Variants in CD101 observed in about 807,000 individuals in gnomAD.
The protein encoded by CD101 is CD101 molecule.
A neutral mutation model predicts 98.2 loss-of-function variants in CD101; 76 were observed. The observed-to-expected ratio is 0.77, with a 90% CI of 0.64 to 0.94. The LOEUF (loss-of-function observed/expected upper bound fraction) is 0.94. Among genes scored for constraint, CD101 ranks in the 40% least tolerant of loss-of-function variants. CD101 has a pLI of 0.00. For synonymous variants in CD101, 471 were observed against 472.7 expected, an observed-to-expected ratio of 1.00 and a Z score of 0.05; for missense variants, 1,145 against 1,218.8, an observed-to-expected ratio of 0.94 and a Z score of 0.90.
At chr1:117,016,237 A>G (rs1653212892) in intron 4 of CD101, among the ~76,000 whole-genome samples, 1 of 148,676 alleles carries the variant, frequency 6.7e-6, no homozygotes, top group Non-Finnish European at 1.5e-5. Context: ...ATATGTATAT[A>G]TACACGTATT....
rs1373712199 is a variant in CD101, at chr1:117,010,951, AC to A, written c.425-598del. The stretch of plus-strand genomic sequence containing the variant: ...CTACTCAGTGGCTAGCACCGAGTAG[AC>A]GCTCAGTCACATTCATTGATTAAAT... On this transcript the variant is annotated intron_variant, in intron 2 of 9. Transcript: ENST00000682167. The surrounding 1 kb of genome is among the most constrained non-coding windows in gnomAD (Gnocchi z 5.2). Among the ~76,000 whole-genome samples the A allele has an allele frequency of 6.6e-6, 1 of 152,168 alleles. No individual in the cohort carries two copies. The highest frequency in any genetic ancestry group is 2.4e-5 in the African/African-American group (1 of 41,442).
intron 8 of CD101, among the ~76,000 whole-genome samples, chr1:117,029,552 C>T (rs1421934192): frequency 1.3e-5 from 2 of 152,224 alleles, no homozygotes. Context: ...TAACATCTGT[C>T]ACACTGCTAG....
intron 9 of CD101, among the ~76,000 whole-genome samples, chr1:117,035,635 C>T (rs1012993774): frequency 4.0e-5 from 6 of 151,670 alleles, no homozygotes; most frequent in Non-Finnish European, 7.4e-5. Flanking sequence ...CTGCAAGCTC[C>T]GCCTCCCGGG....
chr1:117,033,991 A>G lies in CD101; in HGVS notation c.2956A>G (p.Thr986Ala). 6.2e-7 allele frequency: 1 copy of G among 1,614,122 alleles called. No homozygotes were observed. The highest frequency in any genetic ancestry group is 1.7e-5 in the Admixed American group (1 of 60,008). The change falls in exon 9 of 10, where the codon ACA becomes GCA. Residue 986 changes from threonine to alanine, a missense_variant. By Grantham distance (58) the Thr-to-Ala change is moderately conservative (BLOSUM62 0). Transcript: ENST00000682167. This position sits in a 1 kb window ranked among gnomAD's most constrained non-coding sequence, Gnocchi z 4.8. Reference protein sequence around the residue: ...CLYWKARKLSTLRSNTRKEKA... With the variant: ...CLYWKARKLSALRSNTRKEKA... Reference sequence around the variant, plus strand: ...ATACTGGAAGGCCAGGAAGTTGTCAACACTGCGTTCCAACACACGGAAAGA... The same window carrying G: ...ATACTGGAAGGCCAGGAAGTTGTCAGCACTGCGTTCCAACACACGGAAAGA...
intron 7 of CD101, among the ~76,000 whole-genome samples, chr1:117,025,013 C>T (rs1653815183): frequency 1.3e-5 from 2 of 152,146 alleles, no homozygotes; most frequent in African/African-American, 2.4e-5. Context: ...GGTTTGATTC[C>T]TAGCAGAGAA....
In CD101 at chr1:117,019,147, CTT is replaced by C. The variant is rs1486483978; in HGVS notation, c.2017+588_2017+589del. Among the ~76,000 whole-genome samples, 1 of 152,152 alleles carries C rather than the reference CTT, an allele frequency of 6.6e-6. No homozygotes were observed. Among genetic ancestry groups the C allele is most frequent in the Non-Finnish European group, 1.5e-5 (1 of 68,024 alleles). Reference sequence around the variant, plus strand: ...TTCTGCTGTGTCATGTATCTTCTCTCTTATAGTTTGCATTCTCTTAGGAAGAG... The same window carrying C: ...TTCTGCTGTGTCATGTATCTTCTCTCATAGTTTGCATTCTCTTAGGAAGAG... On this transcript the variant is annotated intron_variant, in intron 6 of 9. Coordinates refer to ENST00000682167, the MANE Select transcript of CD101 (RefSeq NM_001256106.3). This position sits in a 1 kb window ranked among gnomAD's most constrained non-coding sequence, Gnocchi z 4.3.
intron 1 of CD101, among the ~76,000 whole-genome samples, chr1:117,008,075 G>C (rs1310516720): frequency 1.3e-5 from 2 of 152,156 alleles, no homozygotes; most frequent in East Asian, 1.9e-4. Context: ...TTTTTCTAAG[G>C]TGGTCTAACT....
At position 117,013,555 on chromosome 1, in the gene CD101, G is replaced by A. The variant is rs1212633309; in HGVS notation, c.991G>A (p.Ala331Thr). ...FNGTEIAHID[A>T]GGVLGLKNDY... Reference sequence around the variant, plus strand: ...TGGGACTGAAATTGCTCACATTGATGCTGGTGGAGTCCTGGGCCTGAAGAA... The same window carrying A: ...TGGGACTGAAATTGCTCACATTGATACTGGTGGAGTCCTGGGCCTGAAGAA... The change falls in exon 4 of 10, where the codon GCT becomes ACT. Residue 331 changes from alanine to threonine, a missense_variant. Coordinates refer to ENST00000682167, the MANE Select transcript of CD101 (RefSeq NM_001256106.3). 11 of 1,614,102 alleles carry A rather than the reference G, an allele frequency of 6.8e-6. No homozygotes were observed. Among genetic ancestry groups the A allele is most frequent in the Non-Finnish European group, 9.3e-6 (11 of 1,180,024 alleles).
In CD101 at chr1:117,011,766, C is replaced by G. The variant is rs1249562177; in HGVS notation, c.641C>G (p.Thr214Arg). 6.2e-7 allele frequency: 1 copy of G among 1,614,020 alleles called. No individual in the cohort carries two copies. Among genetic ancestry groups the G allele is most frequent in the Non-Finnish European group, 8.5e-7 (1 of 1,180,022 alleles). ...DFILVPGPLY[T>R]ERFAASDVQL... is the part of the protein sequence containing the mutation. Reference sequence around the variant, plus strand: ...ATATTGGTCCCTGGGCCCTTGTATACAGAGCGGTTTGCAGCCAGTGACGTA... The same window carrying G: ...ATATTGGTCCCTGGGCCCTTGTATAGAGAGCGGTTTGCAGCCAGTGACGTA... The change falls in exon 3 of 10, where the codon ACA (threonine) becomes AGA (arginine). Residue 214 changes from threonine to arginine, a missense_variant. Coordinates refer to ENST00000682167, the MANE Select transcript of CD101 (RefSeq NM_001256106.3).
rs1557773694 is a variant in CD101 at position 117,021,580 on chromosome 1, G to A, written c.2025G>A (p.Lys675=). ...LRIAVTLPES[K]LKVNSRSQVQ... ...TCATTTTTTTAAATTTAGAGAGCAAGCTAAAAGTGAATTCAAGGAGTCAAG... is the reference window on the plus strand; with the variant it reads ...TCATTTTTTTAAATTTAGAGAGCAAACTAAAAGTGAATTCAAGGAGTCAAG... Residue 675 remains lysine (K), a synonymous_variant, in exon 7 of 10, where the codon AAG becomes AAA. Coordinates refer to ENST00000682167, the MANE Select transcript of CD101 (RefSeq NM_001256106.3). The surrounding 1 kb of genome is among the most constrained non-coding windows in gnomAD (Gnocchi z 4.7). The A allele has an allele frequency of 6.4e-7, 1 of 1,574,296 alleles. No individual in the cohort carries two copies.
rs1437264981 is a variant in CD101 at position 117,027,163 on chromosome 1, T to G, written c.2824+1259T>G. Among the ~76,000 whole-genome samples, 3 of 152,346 alleles carry G rather than the reference T, an allele frequency of 2.0e-5. No homozygotes were observed. In the East Asian group the frequency reaches 5.8e-4, roughly 29 times the overall value. On this transcript the variant is annotated intron_variant, in intron 8 of 9. Coordinates refer to ENST00000682167, the MANE Select transcript of CD101 (RefSeq NM_001256106.3). ...CATTGTCAGTGCTCAGCAAATGTAA[T>G]CTCCTTTTCCCCTTATGCCTCCAAA...
At chr1:117,017,856 C>T (rs1374568031) in intron 5 of CD101, among the ~76,000 whole-genome samples, 2 of 152,172 alleles carry the variant, frequency 1.3e-5, no homozygotes, top group Admixed American at 6.5e-5. Flanking sequence ...GGAGGCCAGA[C>T]GACTAGGGTG....
At chr1:117,025,466 T>A in intron 7 of CD101, 43 bp from the exon 8 acceptor site, 2 of 1,491,268 alleles carry the variant, frequency 1.3e-6, no homozygotes, top group Admixed American at 4.5e-5. Context: ...TATCCAAATC[T>A]GAAAGTCTGC....
chr1:117,014,310 C>T (rs1373759153), intron 4 of CD101, among the ~76,000 whole-genome samples: 2 of 151,878 alleles, frequency 1.3e-5, no homozygotes, highest in African/African-American at 4.8e-5. Flanking sequence ...TACCTTGAGA[C>T]CCTGCCGGCA....
intron 2 of CD101, among the ~76,000 whole-genome samples, chr1:117,011,317 G>A (rs968151655): frequency 5.9e-5 from 9 of 152,156 alleles, no homozygotes; most frequent in Non-Finnish European, 1.0e-4. Context: ...ATAAAGCAAA[G>A]TGAGGGTCAA....
rs1653011937 is a variant in CD101 at position 117,013,547 on chromosome 1, A to G, written c.983A>G (p.His328Arg). The change falls in exon 4 of 10, where the codon CAC becomes CGC. Residue 328 changes from histidine to arginine, a missense_variant. Coordinates refer to ENST00000682167, the MANE Select transcript of CD101 (RefSeq NM_001256106.3). Reference sequence around the variant, plus strand: ...TTCTTCAATGGGACTGAAATTGCTCACATTGATGCTGGTGGAGTCCTGGGC... The same window carrying G: ...TTCTTCAATGGGACTGAAATTGCTCGCATTGATGCTGGTGGAGTCCTGGGC... ...IWFFNGTEIAHIDAGGVLGLK... is the reference protein window; with the variant it reads ...IWFFNGTEIARIDAGGVLGLK... The G allele has an allele frequency of 1.2e-6, 2 of 1,614,214 alleles. No homozygotes were observed. Among genetic ancestry groups the G allele is most frequent in the East Asian group, 4.5e-5 (2 of 44,894 alleles).
At position 117,018,963 on chromosome 1, in the gene CD101, T is replaced by A. The variant is rs181747752; in HGVS notation, c.2017+403T>A. 9.9e-4 allele frequency among the ~76,000 whole-genome samples: 151 copies of A among 152,338 alleles called. 1 individual carries two copies. In the East Asian group the frequency reaches 0.024, roughly 24 times the overall value. The stretch of plus-strand genomic sequence containing the variant: ...ACATTTGCAGTGTCTCTGCTAGTGG[T>A]AGGGATAAGGTAAATTCCACTGGAA... On this transcript the variant is annotated intron_variant, in intron 6 of 9. Transcript: ENST00000682167. This position sits in a 1 kb window ranked among gnomAD's most constrained non-coding sequence, Gnocchi z 4.3.
intron 1 of CD101, among the ~76,000 whole-genome samples, chr1:117,008,718 C>T (rs927980959): frequency 6.6e-6 from 1 of 152,084 alleles, no homozygotes; most frequent in Non-Finnish European, 1.5e-5. Context: ...TTTCCTTTCC[C>T]TCACTTTTTT....
rs1003878340 is a variant in CD101, at chr1:117,005,551, G to T, written c.43+3691G>T. Among the ~76,000 whole-genome samples the T allele has an allele frequency of 2.0e-5, 3 of 152,032 alleles. No individual in the cohort carries two copies. The highest frequency in any genetic ancestry group is 6.6e-5 in the Admixed American group (1 of 15,260). The stretch of plus-strand genomic sequence containing the variant: ...AATGTTCTTCCCTTGATTTCCAGCC[G>T]CTGTGTCCTAGTTGCCCTCCATCTA... On this transcript the variant is annotated intron_variant, in intron 1 of 9. Transcript: ENST00000682167. The surrounding 1 kb of genome is among the most constrained non-coding windows in gnomAD (Gnocchi z 4.4).
Sources: allele counts gnomAD v4.1 joint callset (sites outside exome capture counted in the v4.1 genomes callset), GRCh38; gene constraint gnomAD v4.1.1; non-coding constraint Gnocchi (gnomAD v3.1); transcripts MANE v1.5; gene names NCBI Gene and HGNC (gene_info 2026-07-23, HGNC 2026-07-21).